PITPNA: variants seen among roughly 807,000 people sequenced by gnomAD.
PITPNA encodes phosphatidylinositol transfer protein alpha, also known as phosphatidylinositol transfer protein alpha isoform.
PITPNA carries 13 observed loss-of-function variants against 50.3 expected under a neutral mutation model. That is an observed-to-expected ratio of 0.26 (90% CI 0.17 to 0.41). The LOEUF (loss-of-function observed/expected upper bound fraction) is 0.41. Ranked by LOEUF, PITPNA falls within the 10% of genes least tolerant of loss-of-function variation. PITPNA has a pLI of 1.00. For synonymous variants in PITPNA, 120 were observed against 119.6 expected (o/e 1.00, Z -0.02); for missense variants, 207 against 333.4 (o/e 0.62, Z 2.95).
chr17:1,552,029 G>A (rs548350433), intron 3 of PITPNA, among the ~76,000 whole-genome samples: 2 of 152,286 alleles, frequency 1.3e-5, no homozygotes, highest in South Asian at 4.1e-4. Context: ...TGCTCTCCTC[G>A]CACCCTGGCA....
chr17:1,555,131 AG>A (rs900700600), intron 2 of PITPNA, among the ~76,000 whole-genome samples: 1 of 152,146 alleles, frequency 6.6e-6, no homozygotes, highest in Non-Finnish European at 1.5e-5. Flanking sequence ...GGCCTGGTGG[AG>A]GGGGCGAGGT....
intron 10 of PITPNA, among the ~76,000 whole-genome samples, chr17:1,525,590 C>T (rs930738614): frequency 5.5e-5 from 8 of 146,504 alleles, no homozygotes; most frequent in Admixed American, 1.4e-4. Context: ...ACGATCTTGG[C>T]TCACTGCACC....
In PITPNA at chr17:1,548,201, C is replaced by T. The variant is rs934090389; in HGVS notation, c.289+95G>A. On this transcript the variant is annotated intron_variant, in intron 4 of 11. Transcript: ENST00000313486. ...ACCATCAGCCGGAAGGGACCCAGCCCGAGCCTTTCCCTGGCCTAATCCGGA... is the reference window on the plus strand; with the variant it reads ...ACCATCAGCCGGAAGGGACCCAGCCTGAGCCTTTCCCTGGCCTAATCCGGA... The T allele has an allele frequency of 1.8e-5, 14 of 765,414 alleles. 1 individual carries two copies. The highest frequency in any genetic ancestry group is 8.8e-5 in the African/African-American group (5 of 57,040). 47.4% of individuals were successfully genotyped at this position (765,414 alleles called of 1,614,324 possible). A position where few individuals can be genotyped will look rare whatever the true frequency, so the allele number is the denominator to read the frequency against.
intron 1 of PITPNA, among the ~76,000 whole-genome samples, chr17:1,561,918 C>T (rs2075770413): frequency 6.6e-6 from 1 of 152,194 alleles, no homozygotes; most frequent in African/African-American, 2.4e-5. Context: ...GTTCGGCCCT[C>T]CACCTTTCCC....
chr17:1,548,245 C>G, intron 4 of PITPNA, 51 bp downstream of exon 4: 2 of 1,268,832 alleles, frequency 1.6e-6, no homozygotes, highest in Non-Finnish European at 2.2e-6. Context: ...GTGGGACCCA[C>G]AGCTCTGCTG....
intron 2 of PITPNA, among the ~76,000 whole-genome samples, chr17:1,556,207 C>T (rs1167834486): frequency 2.0e-5 from 3 of 152,222 alleles, no homozygotes; most frequent in African/African-American, 7.2e-5. Context: ...CTAAGTTCCG[C>T]TTCGACCCTA....
In PITPNA at chr17:1,536,479, C is replaced by T. The variant is rs543449528; in HGVS notation, c.457-961G>A. On this transcript the variant is annotated intron_variant, in intron 7 of 11. Coordinates refer to ENST00000313486, the MANE Select transcript of PITPNA (RefSeq NM_006224.4). Reference sequence around the variant, plus strand: ...ATTTTTTTTGTATTTTTAGTAGAGACGGGGTTTCACCGTGTTAGCCAGGAT... The same window carrying T: ...ATTTTTTTTGTATTTTTAGTAGAGATGGGGTTTCACCGTGTTAGCCAGGAT... Among the ~76,000 whole-genome samples, 1,236 of 151,968 alleles carry T rather than the reference C, an allele frequency of 8.1e-3. 2 individuals carry two copies. The highest frequency in any genetic ancestry group is 0.014 in the Non-Finnish European group (947 of 67,970).
intron 7 of PITPNA, among the ~76,000 whole-genome samples, chr17:1,536,894 A>ATT (rs35841957): frequency 1.2e-3 from 118 of 98,306 alleles, no homozygotes; most frequent in Admixed American, 2.7e-3. Flanking sequence ...TGTCCGGCCG[A>ATT]TTTTTTTTTT....
At chr17:1,524,034 T>C (rs975509038) in intron 10 of PITPNA, among the ~76,000 whole-genome samples, 1 of 122,362 alleles carries the variant, frequency 8.2e-6, no homozygotes, top group Non-Finnish European at 1.6e-5. Context: ...GCCTCAGTTT[T>C]TTTCTTTTTT....
intron 11 of PITPNA, among the ~76,000 whole-genome samples, chr17:1,520,971 G>A (rs879855310): frequency 2.6e-5 from 4 of 152,180 alleles, no homozygotes; most frequent in Admixed American, 2.6e-4. Flanking sequence ...TGGGAAACCA[G>A]CACCGAGAGT....
chr17:1,537,168 A>T (rs553219598), intron 7 of PITPNA, among the ~76,000 whole-genome samples: 13 of 151,896 alleles, frequency 8.6e-5, no homozygotes, highest in African/African-American at 2.9e-4. Flanking sequence ...GGTTCAAGCG[A>T]TTCTCCTGCC....
chr17:1,528,879 T>C (rs1363732281), intron 10 of PITPNA, among the ~76,000 whole-genome samples: 1 of 152,108 alleles, frequency 6.6e-6, no homozygotes, highest in Non-Finnish European at 1.5e-5. Context: ...GGCTCACACC[T>C]GTAATCCCAA....
At chr17:1,537,301 G>C (rs2075624098) in intron 7 of PITPNA, among the ~76,000 whole-genome samples, 2 of 152,164 alleles carry the variant, frequency 1.3e-5, no homozygotes, top group Admixed American at 1.3e-4. Context: ...TTGACCTCGT[G>C]ATCTGCCCAC....
rs1292469333 is a variant in PITPNA at position 1,519,342 on chromosome 17, T to TTGCAGGAAGCTATGAACACTGGGCAGCG, written c.*1191_*1218dup. On this transcript the variant is annotated 3_prime_UTR_variant, in exon 12 of 12. Transcript: ENST00000313486. ...AGAGGCAAACTCAGGCTCTGTCAAG[T>TTGCAGGAAGCTATGAACACTGGGCAGCG]TGCAGGAAGCTATGAACACTGGGCA... 3 of 152,358 alleles carry TTGCAGGAAGCTATGAACACTGGGCAGCG rather than the reference T, an allele frequency of 2.0e-5. No individual in the cohort carries two copies. The highest frequency in any genetic ancestry group is 7.2e-5 in the African/African-American group (3 of 41,558). The allele number at this position is 152,358 out of a possible 1,614,324, so 9.4% of individuals were successfully genotyped here. A position where few individuals can be genotyped will look rare whatever the true frequency, so the allele number is the denominator to read the frequency against.
At chr17:1,560,326 T>C (rs895376948) in intron 1 of PITPNA, among the ~76,000 whole-genome samples, 1 of 152,130 alleles carries the variant, frequency 6.6e-6, no homozygotes, top group East Asian at 1.9e-4. Context: ...CTCACTCTAA[T>C]GTGACCTTCA....
rs566119517 is a variant in PITPNA at position 1,519,329 on chromosome 17, A to C, written c.*1232T>G. 1 of 152,222 alleles carries C rather than the reference A, an allele frequency of 6.6e-6. No individual in the cohort carries two copies. Among genetic ancestry groups the C allele is most frequent in the African/African-American group, 2.4e-5 (1 of 41,410 alleles). The allele number at this position is 152,222 out of a possible 1,614,324, so 9.4% of individuals were successfully genotyped here. On this transcript the variant is annotated 3_prime_UTR_variant, in exon 12 of 12. Coordinates refer to ENST00000313486, the MANE Select transcript of PITPNA (RefSeq NM_006224.4). Reference sequence around the variant, plus strand: ...CATTCTCCCACTAAGAGGCAAACTCAGGCTCTGTCAAGTTGCAGGAAGCTA... The same window carrying C: ...CATTCTCCCACTAAGAGGCAAACTCCGGCTCTGTCAAGTTGCAGGAAGCTA...
chr17:1,532,279 G>C (rs2075587924), intron 10 of PITPNA, among the ~76,000 whole-genome samples: 2 of 152,112 alleles, frequency 1.3e-5, no homozygotes, highest in Admixed American at 6.5e-5. Context: ...AGTAGAGACA[G>C]GGTTTCACCA....
rs146913535 is a variant in PITPNA at position 1,556,228 on chromosome 17, G to A, written c.51+2301C>T. Among the ~76,000 whole-genome samples, 47 of 152,276 alleles carry A rather than the reference G, an allele frequency of 3.1e-4. 1 individual carries two copies. The highest frequency in any genetic ancestry group is 8.4e-4 in the African/African-American group (35 of 41,548). On this transcript the variant is annotated intron_variant, in intron 2 of 11. Transcript: ENST00000313486. ...TCCGCTTCGACCCTACCCAGGCCACGTGGTACTTTCTTGTCAATGGTTTCT... is the reference window on the plus strand; with the variant it reads ...TCCGCTTCGACCCTACCCAGGCCACATGGTACTTTCTTGTCAATGGTTTCT...
intron 11 of PITPNA, 29 bp from the exon 12 acceptor site, chr17:1,520,567 G>C (rs1476925870): frequency 6.7e-6 from 1 of 149,950 alleles, no homozygotes; most frequent in Non-Finnish European, 1.5e-5. Flanking sequence ...TATTAAGGAA[G>C]CAAGAGGAGA....
Sources: gnomAD v4.1 joint callset for allele counts (sites outside exome capture counted in the v4.1 genomes callset) on GRCh38, gnomAD v4.1.1 for gene constraint, MANE v1.5 for transcripts, NCBI Gene and HGNC (gene_info 2026-07-23, HGNC 2026-07-21) for gene names.